The following CADPS2 variants were observed in gnomAD, a reference collection of about 807,000 sequenced individuals.
The protein encoded by CADPS2 is calcium dependent secretion activator 2, also known as calcium-dependent secretion activator 2.
A neutral mutation model predicts 172.5 loss-of-function variants in CADPS2; 93 were observed. The observed-to-expected ratio is 0.54, with a 90% confidence interval of 0.46 to 0.64. CADPS2 has a LOEUF of 0.64. Among genes scored for constraint, CADPS2 ranks in the 30% least tolerant of loss-of-function variants. The pLI is 0.00. For synonymous variants in CADPS2, 546 were observed against 555.2 expected, an observed-to-expected ratio of 0.98 and a Z score of 0.23; for missense variants, 1,420 against 1,565.9, an observed-to-expected ratio of 0.91 and a Z score of 1.57.
At chr7:122,643,075 G>A (rs1312757666) in intron 3 of CADPS2, among the ~76,000 whole-genome samples, 1 of 152,092 alleles carries the variant, frequency 6.6e-6, no homozygotes, top group East Asian at 1.9e-4. Flanking sequence ...CTAGTGATTT[G>A]TAGATAATAC....
intron 25 of CADPS2, among the ~76,000 whole-genome samples, chr7:122,376,183 G>GA (rs2042322491): frequency 6.6e-6 from 1 of 152,070 alleles, no homozygotes. Context: ...CTCAAAACAT[G>GA]AAAAATAGAA....
rs200576958 is a variant in CADPS2 at position 122,477,174 on chromosome 7, CT to C, written c.1862-2658del. On this transcript the variant is annotated intron_variant, in intron 12 of 29. Coordinates refer to ENST00000449022, the MANE Select transcript of CADPS2 (RefSeq NM_017954.11). Reference sequence around the variant, plus strand: ...GTTTCAGTTTGCTGGCCCTCTGGCCCTTGTTTTAAACAAAATAATAGCAATG... The same window carrying C: ...GTTTCAGTTTGCTGGCCCTCTGGCCCTGTTTTAAACAAAATAATAGCAATG... 6.4e-3 allele frequency among the ~76,000 whole-genome samples: 977 copies of C among 152,116 alleles called. 8 individuals carry two copies. Among genetic ancestry groups the C allele is most frequent in the Middle Eastern group, 0.027 (8 of 294 alleles).
intron 20 of CADPS2, 130 bp from the exon 21 acceptor site, chr7:122,393,712 G>T: frequency 1.2e-6 from 1 of 850,726 alleles, no homozygotes; most frequent in Non-Finnish European, 1.9e-6. Flanking sequence ...GATGAGAGTA[G>T]ATCATACCCC....
At chr7:122,592,542 T>A (rs1180512705) in intron 6 of CADPS2, among the ~76,000 whole-genome samples, 1 of 152,174 alleles carries the variant, frequency 6.6e-6, no homozygotes. Context: ...TGCACACGTA[T>A]GTTTATTGTG....
At chr7:122,580,468 C>A (rs868336702) in intron 7 of CADPS2, among the ~76,000 whole-genome samples, 32 of 130,464 alleles carry the variant, frequency 2.5e-4, no homozygotes, top group Middle Eastern at 4.3e-3. Flanking sequence ...AAAAAAAAAA[C>A]CCATTAAAAA....
intron 27 of CADPS2, among the ~76,000 whole-genome samples, chr7:122,353,273 T>A (rs979808593): frequency 6.6e-6 from 1 of 152,022 alleles, no homozygotes; most frequent in Non-Finnish European, 1.5e-5. Context: ...AGTACAGAGG[T>A]GGGTAAGAAC....
At chr7:122,698,754 C>A in intron 2 of CADPS2, 1 of 1,613,926 alleles carries the variant, frequency 6.2e-7, no homozygotes, top group Non-Finnish European at 8.5e-7. Context: ...TCTCTCCCAA[C>A]TCTGACAACA....
intron 1 of CADPS2, among the ~76,000 whole-genome samples, chr7:122,797,232 C>T (rs1796576278): frequency 6.6e-6 from 1 of 152,096 alleles, no homozygotes; most frequent in African/African-American, 2.4e-5. Flanking sequence ...AAAAGGAATG[C>T]TTATACACTG....
intron 3 of CADPS2, among the ~76,000 whole-genome samples, chr7:122,633,746 G>C (rs2076795473): frequency 6.6e-6 from 1 of 152,124 alleles, no homozygotes; most frequent in Admixed American, 6.6e-5. Flanking sequence ...CAGGAGTGGT[G>C]CGAGTGGACA....
chr7:122,836,408 G>A (rs1808431254), intron 1 of CADPS2, among the ~76,000 whole-genome samples: 1 of 151,690 alleles, frequency 6.6e-6, no homozygotes, highest in Non-Finnish European at 1.5e-5. Flanking sequence ...CATAATGACA[G>A]GATCAAATTC....
intron 1 of CADPS2, among the ~76,000 whole-genome samples, chr7:122,745,835 A>C (rs965906508): frequency 9.2e-5 from 14 of 152,062 alleles, no homozygotes; most frequent in African/African-American, 3.4e-4. Flanking sequence ...AGATAATTTC[A>C]ACACACCACA....
At chr7:122,463,853 C>T (rs1054787798) in intron 14 of CADPS2, among the ~76,000 whole-genome samples, 12 of 152,130 alleles carry the variant, frequency 7.9e-5, no homozygotes, top group Non-Finnish European at 1.2e-4. Context: ...TAAGATTTCT[C>T]ACTGTTGAAA....
chr7:122,423,092 C>T (rs904210399), intron 17 of CADPS2, among the ~76,000 whole-genome samples: 3 of 152,150 alleles, frequency 2.0e-5, no homozygotes, highest in African/African-American at 7.2e-5. Flanking sequence ...CAACATCCTC[C>T]CTCTTTGCAT....
chr7:122,705,911 T>TAATATATAATATAATATATAATATAA, intron 2 of CADPS2, among the ~76,000 whole-genome samples: 2 of 1,182 alleles, frequency 1.7e-3, no homozygotes, highest in Non-Finnish European at 0.013. Context: ...ATATAATATA[T>TAATATATAATATAATATATAATATAA]TATATAATAT....
At chr7:122,384,049 C>T (rs1360759278) in intron 24 of CADPS2, among the ~76,000 whole-genome samples, 1 of 152,048 alleles carries the variant, frequency 6.6e-6, no homozygotes, top group Non-Finnish European at 1.5e-5. Context: ...AATGAGGATT[C>T]TAAACACTGA....
At chr7:122,854,098 G>A (rs1814499190) in intron 1 of CADPS2, among the ~76,000 whole-genome samples, 1 of 152,184 alleles carries the variant, frequency 6.6e-6, no homozygotes, top group South Asian at 2.1e-4. Context: ...GGTGGCTCAT[G>A]CCTACATTCT....
chr7:122,736,280 A>T (rs760131147), intron 2 of CADPS2, among the ~76,000 whole-genome samples: 7 of 152,208 alleles, frequency 4.6e-5, no homozygotes, highest in African/African-American at 7.2e-5. Context: ...TTCGCATATT[A>T]TGCTTCTTCA....
chr7:122,615,644 T>C (rs1335119035), intron 5 of CADPS2, among the ~76,000 whole-genome samples: 2 of 152,026 alleles, frequency 1.3e-5, no homozygotes, highest in Non-Finnish European at 2.9e-5. Flanking sequence ...GAATCACAAA[T>C]GAAAATTCAG....
chr7:122,405,134 AAAAAC>A (rs201316078), intron 20 of CADPS2, among the ~76,000 whole-genome samples: 6 of 151,668 alleles, frequency 4.0e-5, no homozygotes, highest in African/African-American at 9.8e-5. Flanking sequence ...CAAAAAACAA[AAAAAC>A]AAAACAAAAC....
Sources: allele counts gnomAD v4.1 joint callset (sites outside exome capture counted in the v4.1 genomes callset), GRCh38; gene constraint gnomAD v4.1.1; transcripts MANE v1.5; gene names NCBI Gene and HGNC (gene_info 2026-07-23, HGNC 2026-07-21).